The following THEM4 variants were observed in gnomAD, a reference collection of about 807,000 sequenced individuals.
THEM4 encodes thioesterase superfamily member 4.
Under a neutral mutation model 25.0 loss-of-function variants are expected in THEM4, and 22 were observed. The observed-to-expected ratio is 0.88, with a 90% CI of 0.63 to 1.26. THEM4 has a LOEUF of 1.26. Ranked by LOEUF, THEM4 falls within the 50% of genes most tolerant of loss-of-function variation. The pLI, the probability that THEM4 is intolerant of heterozygous loss-of-function variation, is 0.00. For missense variants in THEM4, 286 were observed against 300.3 expected (o/e 0.95, Z 0.35); for synonymous variants, 113 against 105.6 (o/e 1.07, Z -0.43).
chr1:151,873,382 C>G lies in THEM4; in HGVS notation c.*1506G>C, dbSNP rs1396826941. On this transcript the variant is annotated 3_prime_UTR_variant, in exon 6 of 6. Transcript: ENST00000368814. ...TCCTCTGTATGCTGAGCACCGGTCC[C>G]CTGGGCCCAGGGTTCTTTCTTTATA... Among the ~76,000 whole-genome samples the G allele has an allele frequency of 6.6e-6, 1 of 152,108 alleles. No homozygotes were observed. Among genetic ancestry groups the G allele is most frequent in the East Asian group, 1.9e-4 (1 of 5,156 alleles).
At chr1:151,898,514 G>C (rs1002352620) in intron 1 of THEM4, among the ~76,000 whole-genome samples, 1 of 152,220 alleles carries the variant, frequency 6.6e-6, no homozygotes, top group Admixed American at 6.5e-5. Flanking sequence ...CCTGGTAGCA[G>C]AAGACAAAGG....
intron 4 of THEM4, among the ~76,000 whole-genome samples, chr1:151,882,755 A>G (rs1254170413): frequency 6.6e-6 from 1 of 152,230 alleles, no homozygotes; most frequent in Non-Finnish European, 1.5e-5. Flanking sequence ...ATCACCGAGC[A>G]TATGGATCTG....
chr1:151,892,295 T>C (rs1448736513), intron 2 of THEM4, among the ~76,000 whole-genome samples: 1 of 152,162 alleles, frequency 6.6e-6, no homozygotes, highest in Non-Finnish European at 1.5e-5. Flanking sequence ...GAAAGGTTTA[T>C]GAAAGCCAAA....
chr1:151,895,294 C>T, intron 1 of THEM4, 100 bp from the exon 2 acceptor site: 1 of 1,054,230 alleles, frequency 9.5e-7, no homozygotes, highest in Non-Finnish European at 1.4e-6. Flanking sequence ...CTTTTCTTCT[C>T]CCCATAAGCT....
chr1:151,878,623 A>G (rs1653739527), intron 4 of THEM4, among the ~76,000 whole-genome samples: 1 of 152,252 alleles, frequency 6.6e-6, no homozygotes, highest in African/African-American at 2.4e-5. Flanking sequence ...CCCTTGTAAC[A>G]GAAAGTCCTA....
intron 4 of THEM4, among the ~76,000 whole-genome samples, chr1:151,880,196 C>G (rs1387521399): frequency 6.6e-6 from 1 of 151,126 alleles, no homozygotes; most frequent in Non-Finnish European, 1.5e-5. Context: ...TAATTGAGAA[C>G]AGGCTGGGTG....
intron 5 of THEM4, 76 bp from the exon 6 acceptor site, chr1:151,875,004 C>T: frequency 8.8e-7 from 1 of 1,140,712 alleles, no homozygotes; most frequent in Non-Finnish European, 1.3e-6. Context: ...AATAGAAAGA[C>T]ATATACAAAA....
intron 1 of THEM4, among the ~76,000 whole-genome samples, chr1:151,907,260 C>T (rs898898851): frequency 6.6e-6 from 1 of 152,172 alleles, no homozygotes; most frequent in East Asian, 1.9e-4. Context: ...ACTCTGAACA[C>T]ATCCGAACAT....
intron 2 of THEM4, among the ~76,000 whole-genome samples, chr1:151,892,459 C>A (rs1654115988): frequency 6.6e-6 from 1 of 152,104 alleles, no homozygotes; most frequent in Non-Finnish European, 1.5e-5. Flanking sequence ...GGGATAAGGA[C>A]AGTCAGTTGT....
intron 2 of THEM4, chr1:151,890,321 G>A (rs1654069340): frequency 2.8e-6 from 1 of 363,062 alleles, no homozygotes; most frequent in Non-Finnish European, 5.8e-6. Flanking sequence ...TTGTGAGCAA[G>A]TTGGGGGAAC....
At chr1:151,890,376 G>A in intron 2 of THEM4, 1 of 237,336 alleles carries the variant, frequency 4.2e-6, no homozygotes, top group South Asian at 4.2e-5. Flanking sequence ...AAGATTGAAA[G>A]CCATTGCTCT....
Position 151,901,891 on chromosome 1 carries a change from T to A in THEM4, c.100-6697A>T, listed in dbSNP as rs113427010. 2.1e-4 allele frequency among the ~76,000 whole-genome samples: 32 copies of A among 152,022 alleles called. 1 individual carries two copies. Among genetic ancestry groups the A allele is most frequent in the Non-Finnish European group, 4.1e-4 (28 of 68,012 alleles). ...AAAACAAAAAAACCATGCTCCTGAA[T>A]GAGCACTGGGTCAAAAATGAAATCA... On this transcript the variant is annotated intron_variant, in intron 1 of 5. Coordinates refer to ENST00000368814, the MANE Select transcript of THEM4 (RefSeq NM_053055.5).
intron 4 of THEM4, among the ~76,000 whole-genome samples, chr1:151,884,986 C>G (rs1040045188): frequency 1.3e-5 from 2 of 152,102 alleles, no homozygotes; most frequent in Admixed American, 1.3e-4. Flanking sequence ...CATGCCCGGC[C>G]TACAATCTCA....
intron 4 of THEM4, among the ~76,000 whole-genome samples, chr1:151,879,197 A>C (rs1653755153): frequency 6.6e-6 from 1 of 152,214 alleles, no homozygotes; most frequent in Non-Finnish European, 1.5e-5. Flanking sequence ...GAATAGTTGA[A>C]TAAAGAAGAC....
intron 1 of THEM4, among the ~76,000 whole-genome samples, chr1:151,898,390 A>G (rs1330206603): frequency 2.0e-5 from 3 of 152,106 alleles, no homozygotes; most frequent in Non-Finnish European, 4.4e-5. Context: ...AACTCCAGTG[A>G]CCCGGGAATC....
At position 151,909,399 on chromosome 1, in the gene THEM4, T is replaced by A. The variant is rs1339659850; in HGVS notation, c.60A>T (p.Val20=). The change falls in exon 1 of 6, where the codon GTA becomes GTT. Residue 20 remains valine, a synonymous_variant. Transcript: ENST00000368814. Reference sequence around the variant, plus strand: ...GCTCGCTTCCCGGCAGGCGCCGGCCTACTGGCGGCAGGCACAGAGCCCCCA... The same window carrying A: ...GCTCGCTTCCCGGCAGGCGCCGGCCAACTGGCGGCAGGCACAGAGCCCCCA... The part of the protein sequence containing the change: ...RTLGALCLPP[V]GRRLPGSEPR... The A allele has an allele frequency of 2.3e-5, 35 of 1,505,162 alleles. No individual in the cohort carries two copies. Among genetic ancestry groups the A allele is most frequent in the Non-Finnish European group, 3.1e-5 (35 of 1,133,606 alleles). The allele number at this position is 1,505,162 out of a possible 1,614,324, so 93.2% of individuals were successfully genotyped here. A position where few individuals can be genotyped will look rare whatever the true frequency, so the allele number is the denominator to read the frequency against.
intron 1 of THEM4, among the ~76,000 whole-genome samples, chr1:151,898,394 G>A (rs566603634): frequency 2.0e-4 from 30 of 152,222 alleles, no homozygotes; most frequent in African/African-American, 6.3e-4. Context: ...CCAGTGACCC[G>A]GGAATCTCAC....
chr1:151,895,680 A>AG (rs1262558401), intron 1 of THEM4, among the ~76,000 whole-genome samples: 6 of 31,470 alleles, frequency 1.9e-4, no homozygotes, highest in Admixed American at 8.0e-4. Flanking sequence ...AAAGTATTAC[A>AG]GGAAAAAAAA....
intron 1 of THEM4, among the ~76,000 whole-genome samples, chr1:151,901,797 T>G (rs1200192306): frequency 1.3e-5 from 2 of 152,100 alleles, no homozygotes; most frequent in Non-Finnish European, 2.9e-5. Flanking sequence ...GAGCTGAGAT[T>G]GTGCCACTGC....
Sources: gnomAD v4.1 joint callset for allele counts (sites outside exome capture counted in the v4.1 genomes callset) on GRCh38, gnomAD v4.1.1 for gene constraint, MANE v1.5 for transcripts, NCBI Gene and HGNC (gene_info 2026-07-23, HGNC 2026-07-21) for gene names.